The following EPB41L5 variants were observed in gnomAD, a reference collection of about 807,000 sequenced individuals.
The protein encoded by EPB41L5 is band 4.1-like protein 5.
Under a neutral mutation model 106.6 loss-of-function variants are expected in EPB41L5, and 55 were observed. That is an observed-to-expected ratio of 0.52 (90% CI 0.42 to 0.65). The LOEUF (loss-of-function observed/expected upper bound fraction) is 0.65. EPB41L5 is among the 30% of genes least tolerant of loss of function. The pLI is 0.00. For missense variants in EPB41L5, 871 were observed against 882.1 expected, an observed-to-expected ratio of 0.99 and a Z score of 0.16; for synonymous variants, 297 against 306.7, an observed-to-expected ratio of 0.97 and a Z score of 0.33.
chr2:120,016,509 T>C (rs565909615), intron 1 of EPB41L5, among the ~76,000 whole-genome samples: 6 of 152,324 alleles, frequency 3.9e-5, no homozygotes, highest in African/African-American at 1.4e-4. Context: ...GGATTATTTT[T>C]TCTCACATTC....
In EPB41L5 at chr2:120,041,527, C is replaced by G. The variant is rs921802299; in HGVS notation, c.181-479C>G. 2.7e-4 allele frequency among the ~76,000 whole-genome samples: 41 copies of G among 152,134 alleles called. 1 individual carries two copies. Among genetic ancestry groups the G allele is most frequent in the African/African-American group, 8.0e-4 (33 of 41,442 alleles). On this transcript the variant is annotated intron_variant, in intron 2 of 24. Transcript: ENST00000263713. ...ATTATTTCTTACCTTACGTTCTCTTCCAGTTTGATTCTTCTGCATCAAGCC... is the reference window on the plus strand; with the variant it reads ...ATTATTTCTTACCTTACGTTCTCTTGCAGTTTGATTCTTCTGCATCAAGCC...
intron 12 of EPB41L5, among the ~76,000 whole-genome samples, chr2:120,090,953 G>A (rs1326041232): frequency 6.6e-6 from 1 of 152,158 alleles, no homozygotes; most frequent in East Asian, 1.9e-4. Context: ...AAATGTTTTG[G>A]TTTACTGCAG....
intron 13 of EPB41L5, among the ~76,000 whole-genome samples, chr2:120,092,622 C>A (rs1683493536): frequency 6.6e-6 from 1 of 152,050 alleles, no homozygotes; most frequent in South Asian, 2.1e-4. Context: ...CACCAGTTGT[C>A]CAAAAACAGC....
chr2:120,018,760 C>A (rs970372206), intron 1 of EPB41L5, among the ~76,000 whole-genome samples: 1 of 152,080 alleles, frequency 6.6e-6, no homozygotes, highest in Admixed American at 6.5e-5. Context: ...GATCCTTCTG[C>A]CTCACAGCCC....
At chr2:120,115,786 T>C (rs1684922571) in intron 16 of EPB41L5, among the ~76,000 whole-genome samples, 1 of 152,044 alleles carries the variant, frequency 6.6e-6, no homozygotes, top group Admixed American at 6.6e-5. Flanking sequence ...TGATATGTTA[T>C]GTTGTGTTAT....
At chr2:120,065,848 A>T (rs1044636321) in intron 3 of EPB41L5, among the ~76,000 whole-genome samples, 6 of 152,112 alleles carry the variant, frequency 3.9e-5, no homozygotes, top group African/African-American at 7.2e-5. Context: ...TCTATTTTTT[A>T]AAAAATTGTT....
intron 3 of EPB41L5, among the ~76,000 whole-genome samples, chr2:120,051,208 A>C (rs1043535848): frequency 6.6e-6 from 1 of 152,204 alleles, no homozygotes; most frequent in African/African-American, 2.4e-5. Context: ...TTAAGTCTGC[A>C]GAAGTTTCTG....
At chr2:120,029,907 G>A (rs1037388416) in intron 2 of EPB41L5, among the ~76,000 whole-genome samples, 3 of 152,180 alleles carry the variant, frequency 2.0e-5, no homozygotes, top group Non-Finnish European at 2.9e-5. Flanking sequence ...CACGATGCCC[G>A]TCAGCAGGAA....
intron 19 of EPB41L5, among the ~76,000 whole-genome samples, chr2:120,145,912 C>T (rs1238622707): frequency 2.0e-5 from 3 of 150,708 alleles, no homozygotes; most frequent in African/African-American, 7.3e-5. Flanking sequence ...TACCACTGCA[C>T]TCCAGCCTGG....
chr2:120,054,530 TTCTC>T (rs1680504075), intron 3 of EPB41L5, among the ~76,000 whole-genome samples: 1 of 151,566 alleles, frequency 6.6e-6, no homozygotes, highest in Non-Finnish European at 1.5e-5. Context: ...AGTCTCACTC[TTCTC>T]ACTCCAGTCA....
chr2:120,070,731 A>C (rs1681804792), intron 3 of EPB41L5, among the ~76,000 whole-genome samples: 1 of 152,236 alleles, frequency 6.6e-6, no homozygotes, highest in African/African-American at 2.4e-5. Context: ...AACCAATGAC[A>C]AAAACCACAT....
At chr2:120,073,530 A>C (rs1054848078) in intron 4 of EPB41L5, among the ~76,000 whole-genome samples, 36 of 152,222 alleles carry the variant, frequency 2.4e-4, no homozygotes, top group African/African-American at 8.2e-4. Flanking sequence ...CCTGTTTGGC[A>C]TCTGCCCTAA....
At chr2:120,061,599 T>C (rs1681083231) in intron 3 of EPB41L5, among the ~76,000 whole-genome samples, 1 of 150,980 alleles carries the variant, frequency 6.6e-6, no homozygotes, top group Non-Finnish European at 1.5e-5. Context: ...TGATCTGCCC[T>C]CCTCGGCCTC....
intron 3 of EPB41L5, among the ~76,000 whole-genome samples, chr2:120,067,767 G>A (rs1681545191): frequency 6.6e-6 from 1 of 152,036 alleles, no homozygotes; most frequent in Admixed American, 6.6e-5. Flanking sequence ...GGGGGACATT[G>A]TTTCACCTAA....
chr2:120,091,381 A>G (rs1683400315), intron 12 of EPB41L5, among the ~76,000 whole-genome samples, 174 bp from the exon 13 acceptor site: 2 of 152,222 alleles, frequency 1.3e-5, no homozygotes, highest in South Asian at 4.1e-4. Context: ...ATATTTCACA[A>G]AAGCCGAAAG....
At chr2:120,027,533 G>A (rs1033128603) in intron 2 of EPB41L5, among the ~76,000 whole-genome samples, 6 of 152,184 alleles carry the variant, frequency 3.9e-5, no homozygotes, top group African/African-American at 1.4e-4. Context: ...GAGTGAGTGG[G>A]AACTGACAGG....
At chr2:120,087,911 C>T (rs1275276207) in intron 11 of EPB41L5, among the ~76,000 whole-genome samples, 1 of 152,124 alleles carries the variant, frequency 6.6e-6, no homozygotes, top group African/African-American at 2.4e-5. Context: ...TTGGATGCAA[C>T]TCACATGCAT....
Position 120,019,233 on chromosome 2 carries a change from T to C in EPB41L5, c.149T>C (p.Leu50Pro). 1.2e-6 allele frequency: 2 copies of C among 1,613,870 alleles called. No homozygotes were observed. The highest frequency in any genetic ancestry group is 1.7e-6 in the Non-Finnish European group (2 of 1,179,954). ...KSIITCRVSL[L>P]DGTDVSVDLP... Reference sequence around the variant, plus strand: ...ATCATCACGTGTCGGGTGTCCCTTCTGGATGGTACTGATGTTAGTGTGGAC... The same window carrying C: ...ATCATCACGTGTCGGGTGTCCCTTCCGGATGGTACTGATGTTAGTGTGGAC... The change falls in exon 2 of 25, where the codon CTG (leucine) becomes CCG (proline). Residue 50 changes from leucine (L) to proline (P), a missense_variant. Transcript: ENST00000263713.
chr2:120,075,609 A>C, intron 6 of EPB41L5, 89 bp downstream of exon 6: 1 of 1,416,136 alleles, frequency 7.1e-7, no homozygotes, highest in Non-Finnish European at 9.9e-7. Context: ...GTAAAAAAGA[A>C]ATGGTCAACA....
Sources: gnomAD v4.1 joint callset for allele counts (sites outside exome capture counted in the v4.1 genomes callset) on GRCh38, gnomAD v4.1.1 for gene constraint, MANE v1.5 for transcripts, NCBI Gene and HGNC (gene_info 2026-07-23, HGNC 2026-07-21) for gene names.